GRHL3: variants seen among roughly 807,000 people sequenced by gnomAD.
GRHL3 encodes grainyhead like transcription factor 3, also known as grainyhead-like protein 3 homolog.
GRHL3 carries 20 observed loss-of-function variants against 70.3 expected under a neutral mutation model. The observed-to-expected ratio is 0.28, with a 90% CI of 0.20 to 0.41. The LOEUF is 0.41. Among genes scored for constraint, GRHL3 ranks in the 10% least tolerant of loss-of-function variants. The pLI, the probability that GRHL3 is intolerant of heterozygous loss-of-function variation, is 1.00. For missense variants in GRHL3, 637 were observed against 762.3 expected (o/e 0.84, Z 1.94); for synonymous variants, 299 against 299.9 (o/e 1.00, Z 0.03).
Position 24,344,904 on chromosome 1 carries a change from C to T in GRHL3, c.1427C>T (p.Pro476Leu). The T allele has an allele frequency of 1.2e-6, 2 of 1,613,666 alleles. No homozygotes were observed. The highest frequency in any genetic ancestry group is 1.7e-6 in the Non-Finnish European group (2 of 1,179,734). The part of the protein sequence containing the change: ...SSLQRSGGAA[P>L]SAGPSSSNRL... ...TTTTTCACTTCATTGCAGGCAGCCC[C>T]CTCGGCAGGACCCAGCAGCTCCAAC... is the stretch of plus-strand genomic sequence containing the variant. The change falls in exon 12 of 16, where the codon CCC (proline) becomes CTC (leucine). Residue 476 changes from proline (P) to leucine (L), a missense_variant. Physicochemically the swap from Pro to Leu is moderately conservative, Grantham distance 98 (BLOSUM62 -3). Coordinates refer to ENST00000361548, the MANE Select transcript of GRHL3 (RefSeq NM_198173.3).
At chr1:24,353,643 G>C (rs570191280) in intron 15 of GRHL3, among the ~76,000 whole-genome samples, 2 of 152,226 alleles carry the variant, frequency 1.3e-5, no homozygotes, top group African/African-American at 4.8e-5. Context: ...CAGCAGGGAA[G>C]GGGCAAGGAG....
chr1:24,336,123 T>A (rs770035802), intron 3 of GRHL3, among the ~76,000 whole-genome samples: 9 of 152,114 alleles, frequency 5.9e-5, no homozygotes, highest in Non-Finnish European at 1.3e-4. Context: ...CACACCCCGC[T>A]AGGGTTGACT....
rs539941918 is a variant in GRHL3, at chr1:24,319,428, G to A, written c.-124G>A. On this transcript the variant is annotated 5_prime_UTR_variant, in exon 1 of 16. Coordinates refer to ENST00000361548, the MANE Select transcript of GRHL3 (RefSeq NM_198173.3). Reference sequence around the variant, plus strand: ...GGAACCTACCTGTCAGCAAAATCTCGACACCCAAACCTCAACATAAATCAA... The same window carrying A: ...GGAACCTACCTGTCAGCAAAATCTCAACACCCAAACCTCAACATAAATCAA... 2 of 1,090,730 alleles carry A rather than the reference G, an allele frequency of 1.8e-6. No individual in the cohort carries two copies. The highest frequency in any genetic ancestry group is 1.7e-5 in the Admixed American group (1 of 59,102). 67.6% of individuals were successfully genotyped at this position (1,090,730 alleles called of 1,614,324 possible).
intron 11 of GRHL3, among the ~76,000 whole-genome samples, chr1:24,344,519 T>G (rs1353393913): frequency 8.1e-6 from 1 of 123,280 alleles, no homozygotes; most frequent in African/African-American, 3.2e-5. Context: ...AAAAAAGCCC[T>G]GTTGCCCTTG....
downstream of GRHL3, among the ~76,000 whole-genome samples, chr1:24,358,782 G>A (rs1640897451): frequency 6.6e-6 from 1 of 152,126 alleles, no homozygotes; most frequent in Non-Finnish European, 1.5e-5. Flanking sequence ...GAGGTTATTT[G>A]GCTCTTAACT....
At position 24,336,665 on chromosome 1, in the gene GRHL3, A is replaced by G. The variant is rs1639827613; in HGVS notation, c.450A>G (p.Ala150=). The G allele has an allele frequency of 6.2e-7, 1 of 1,614,054 alleles. No homozygotes were observed. The highest frequency in any genetic ancestry group is 1.3e-5 in the African/African-American group (1 of 74,928). ...CTGGCAAGGCAGCTCCCCTCCCTGCAGGCCCCAGCAAGCTGGAGGCCGGCT... is the reference window on the plus strand; with the variant it reads ...CTGGCAAGGCAGCTCCCCTCCCTGCGGGCCCCAGCAAGCTGGAGGCCGGCT... ...PTPGKAAPLP[A]GPSKLEAGSV... The change falls in exon 4 of 16, where the codon GCA becomes GCG. Residue 150 remains alanine (A), a synonymous_variant. Coordinates refer to ENST00000361548, the MANE Select transcript of GRHL3 (RefSeq NM_198173.3).
At chr1:24,328,733 C>A (rs1186961534) in intron 1 of GRHL3, among the ~76,000 whole-genome samples, 1 of 152,228 alleles carries the variant, frequency 6.6e-6, no homozygotes, top group Non-Finnish European at 1.5e-5. Flanking sequence ...ACCTGGAACA[C>A]AGTGATGGCT....
intron 1 of GRHL3, among the ~76,000 whole-genome samples, chr1:24,324,348 C>T (rs911112391): frequency 5.3e-5 from 8 of 152,176 alleles, no homozygotes; most frequent in East Asian, 1.9e-4. Flanking sequence ...GCTGGTAGTG[C>T]GTGTTCCTCT....
intron 4 of GRHL3, 50 bp from the exon 5 acceptor site, chr1:24,337,028 C>T (rs1301571859): frequency 1.3e-6 from 2 of 1,570,084 alleles, no homozygotes; most frequent in Admixed American, 3.3e-5. Context: ...GCTGAGGCTT[C>T]CCAGAGTGAA....
Position 24,331,628 on chromosome 1 carries a change from C to T in GRHL3, c.204+16C>T. 1 of 1,601,914 alleles carries T rather than the reference C, an allele frequency of 6.2e-7. No individual in the cohort carries two copies. Among genetic ancestry groups the T allele is most frequent in the South Asian group, 1.1e-5 (1 of 89,286 alleles). Reference sequence around the variant, plus strand: ...TTACTACATGGTACGTCTACCCCCTCTGGACATGCCCCGTTTTGACTGAAT... The same window carrying T: ...TTACTACATGGTACGTCTACCCCCTTTGGACATGCCCCGTTTTGACTGAAT... On this transcript the variant is annotated intron_variant, in intron 2 of 15. Transcript: ENST00000361548.
chr1:24,348,548 C>T (rs1405734814), intron 14 of GRHL3, among the ~76,000 whole-genome samples: 1 of 152,194 alleles, frequency 6.6e-6, no homozygotes, highest in African/African-American at 2.4e-5. Context: ...TGGACAATAC[C>T]TTAAAGGGTC....
chr1:24,319,558 A>G lies in GRHL3; in HGVS notation c.7A>G (p.Asn3Asp). The G allele has an allele frequency of 6.2e-7, 1 of 1,613,898 alleles. No homozygotes were observed. Among genetic ancestry groups the G allele is most frequent in the South Asian group, 1.1e-5 (1 of 91,084 alleles). The change falls in exon 1 of 16, where the codon AAT becomes GAT. Residue 3 changes from asparagine to aspartate, a missense_variant. This residue lies in a region of GRHL3 where 250 missense variants were observed against 248.6 expected (regional missense o/e 1.01). Coordinates refer to ENST00000361548, the MANE Select transcript of GRHL3 (RefSeq NM_198173.3). ...GGAGCTTGGGAGCAGGAAGATGTCG[A>G]ATGAACTTGAGTGAGTAAACATCGG... MSNELDFRSVRLL... is the reference protein window; with the variant it reads MSDELDFRSVRLL...
At chr1:24,360,176 G>A (rs777396254), downstream of GRHL3, among the ~76,000 whole-genome samples, 2 of 152,194 alleles carry the variant, frequency 1.3e-5, no homozygotes, top group Admixed American at 6.5e-5. Flanking sequence ...TGGGCACAGT[G>A]GCTCACGCCT....
chr1:24,337,200 G>A, intron 5 of GRHL3, 49 bp downstream of exon 5: 3 of 1,358,858 alleles, frequency 2.2e-6, no homozygotes, highest in South Asian at 1.2e-5. Flanking sequence ...TGGGCAGGAG[G>A]CTGCAGACAG....
intron 1 of GRHL3, among the ~76,000 whole-genome samples, 153 bp from the exon 2 acceptor site, chr1:24,331,273 T>G (rs1639593766): frequency 6.6e-6 from 1 of 152,202 alleles, no homozygotes; most frequent in Non-Finnish European, 1.5e-5. Flanking sequence ...TTGTGTCCAT[T>G]CTGCTGCCCC....
rs1363814881 is a variant in GRHL3, at chr1:24,334,551, T to A, written c.205-94T>A. 3 of 902,210 alleles carry A rather than the reference T, an allele frequency of 3.3e-6. No individual in the cohort carries two copies. The highest frequency in any genetic ancestry group is 5.5e-6 in the Non-Finnish European group (3 of 550,438). The allele number at this position is 902,210 out of a possible 1,614,324, so 55.9% of individuals were successfully genotyped here. On this transcript the variant is annotated intron_variant, in intron 2 of 15. Coordinates refer to ENST00000361548, the MANE Select transcript of GRHL3 (RefSeq NM_198173.3). This position sits in a 1 kb window ranked among gnomAD's most constrained non-coding sequence, Gnocchi z 4.3. ...CACAGCCGAACCATATCACCAAAGT[T>A]ACTCCCCTGCCTGGCCAAAGCTGCA... is the stretch of plus-strand genomic sequence containing the variant.
chr1:24,363,831 T>C (rs1641278473), intron 15 of GRHL3, among the ~76,000 whole-genome samples: 1 of 152,076 alleles, frequency 6.6e-6, no homozygotes, highest in African/African-American at 2.4e-5. Context: ...AGCAAAAGCA[T>C]GGAATGGGGA....
downstream of GRHL3, chr1:24,358,709 G>T: frequency 1.0e-6 from 1 of 993,316 alleles, no homozygotes; most frequent in Non-Finnish European, 1.5e-6. Context: ...GGAAAGGCCT[G>T]GGGACCCCTG....
intron 1 of GRHL3, among the ~76,000 whole-genome samples, chr1:24,325,002 C>T (rs376446178): frequency 3.3e-5 from 5 of 152,172 alleles, no homozygotes; most frequent in Admixed American, 6.5e-5. Flanking sequence ...GCGCCCCTGT[C>T]GTGCCCAGGG....
Sources: allele counts gnomAD v4.1 joint callset (sites outside exome capture counted in the v4.1 genomes callset), GRCh38; gene constraint gnomAD v4.1.1; regional missense constraint gnomAD v4.1.1; non-coding constraint Gnocchi (gnomAD v3.1); transcripts MANE v1.5; gene names NCBI Gene and HGNC (gene_info 2026-07-23, HGNC 2026-07-21).